The following DCAKD variants were observed in gnomAD, a reference collection of about 807,000 sequenced individuals.
The protein encoded by DCAKD is dephospho-CoA kinase domain containing.
In DCAKD, 15 loss-of-function variants were observed where a neutral mutation model predicts 18.7. The observed-to-expected ratio is 0.80, with a 90% CI of 0.54 to 1.24. DCAKD has a LOEUF of 1.24. Among genes scored for constraint, DCAKD ranks in the 50% most tolerant of loss-of-function variants. The pLI is 0.00. For synonymous variants in DCAKD, 130 were observed against 133.0 expected, an observed-to-expected ratio of 0.98 and a Z score of 0.16; for missense variants, 301 against 322.0, an observed-to-expected ratio of 0.93 and a Z score of 0.50.
At chr17:45,035,753 C>T (rs921564655) in intron 1 of DCAKD, among the ~76,000 whole-genome samples, 1 of 152,148 alleles carries the variant, frequency 6.6e-6, no homozygotes, top group East Asian at 1.9e-4. Flanking sequence ...CAGCCATCCA[C>T]GGAAGATGCA....
At chr17:45,024,862 G>A in intron 4 of DCAKD, 138 bp from the exon 5 acceptor site, 1 of 1,107,260 alleles carries the variant, frequency 9.0e-7, no homozygotes, top group Non-Finnish European at 1.2e-6. Context: ...CCCTGCTCTG[G>A]GCTACTTAGG....
chr17:45,031,197 G>A, intron 3 of DCAKD: 1 of 985,376 alleles, frequency 1.0e-6, no homozygotes, highest in Non-Finnish European at 1.2e-6. Flanking sequence ...GGGTGTCACG[G>A]GAAACTTGCA....
In DCAKD at chr17:45,024,489, C is replaced by T. The variant is rs146466512; in HGVS notation, c.640G>A (p.Ala214Thr). ...PLRFGVLTGL[A>T]AIASLLYLLT... ...AGGTAGAGGAGGCTGGCAATGGCAGCGAGCCCTGTGAGGACCCCAAACCTC... is the reference window on the plus strand; with the variant it reads ...AGGTAGAGGAGGCTGGCAATGGCAGTGAGCCCTGTGAGGACCCCAAACCTC... The change falls in exon 5 of 5, where the codon GCT (alanine) becomes ACT (threonine). Residue 214 changes from alanine (A) to threonine (T), a missense_variant. Ala to Thr is a moderately conservative substitution (Grantham distance 58). Transcript: ENST00000651974. The T allele has an allele frequency of 5.2e-4, 834 of 1,613,220 alleles. No individual in the cohort carries two copies. Among genetic ancestry groups the T allele is most frequent in the Non-Finnish European group, 6.4e-4 (759 of 1,179,376 alleles).
At chr17:45,058,390 G>A (rs2053810198) in intron 1 of DCAKD, among the ~76,000 whole-genome samples, 1 of 151,958 alleles carries the variant, frequency 6.6e-6, no homozygotes, top group African/African-American at 2.4e-5. Flanking sequence ...CAAAGTGCTG[G>A]GATTACAGGC....
intron 4 of DCAKD, among the ~76,000 whole-genome samples, chr17:45,029,175 C>T (rs943234487): frequency 2.0e-5 from 3 of 152,208 alleles, no homozygotes; most frequent in Admixed American, 6.5e-5. Flanking sequence ...TAAGGCAGCA[C>T]GGCCCAGTGC....
At chr17:45,032,005 C>T (rs758594398) in intron 3 of DCAKD, 155 of 985,042 alleles carry the variant, frequency 1.6e-4, no homozygotes, top group Non-Finnish European at 1.7e-4. Flanking sequence ...GTTGGGGAGG[C>T]GGGAGGCTGG....
At chr17:45,034,492 T>C in intron 2 of DCAKD, 102 bp from the exon 3 acceptor site, 1 of 1,370,360 alleles carries the variant, frequency 7.3e-7, no homozygotes. Context: ...CGGGTGCTTC[T>C]TTCAGGTGGA....
intron 1 of DCAKD, among the ~76,000 whole-genome samples, chr17:45,035,395 C>T (rs1363069361): frequency 1.4e-5 from 2 of 147,694 alleles, no homozygotes; most frequent in African/African-American, 5.0e-5. Context: ...GCAGGAGGAT[C>T]GCTTGAACCT....
chr17:45,055,529 C>T (rs956539087), upstream of DCAKD, among the ~76,000 whole-genome samples: 2 of 152,120 alleles, frequency 1.3e-5, no homozygotes, highest in African/African-American at 4.8e-5. Context: ...CAGGCACACA[C>T]TCCTCACTTT....
chr17:45,056,566 C>T (rs370059171), upstream of DCAKD, among the ~76,000 whole-genome samples: 23 of 152,164 alleles, frequency 1.5e-4, no homozygotes, highest in African/African-American at 4.8e-4. Flanking sequence ...CTCCACTTCC[C>T]GGGTTCAAGC....
At chr17:45,056,973 T>C (rs1208315211) in intron 1 of DCAKD, among the ~76,000 whole-genome samples, 2 of 151,206 alleles carry the variant, frequency 1.3e-5, no homozygotes, top group Non-Finnish European at 2.9e-5. Flanking sequence ...TTCACCATGT[T>C]AGCCAGGATG....
At chr17:45,056,569 G>A (rs1006324004), upstream of DCAKD, among the ~76,000 whole-genome samples, 2 of 152,040 alleles carry the variant, frequency 1.3e-5, no homozygotes, top group African/African-American at 4.8e-5. Context: ...CACTTCCCGG[G>A]TTCAAGCAAT....
At chr17:45,032,189 G>T in intron 3 of DCAKD, 1 of 914,536 alleles carries the variant, frequency 1.1e-6, no homozygotes, top group Non-Finnish European at 1.3e-6. Flanking sequence ...GGTGGGGGAC[G>T]GGAAGGACAC....
At chr17:45,031,563 G>C in intron 3 of DCAKD, 4 of 985,302 alleles carry the variant, frequency 4.1e-6, no homozygotes, top group Non-Finnish European at 4.8e-6. Flanking sequence ...TGTTGCAGGG[G>C]GAGGCCAACA....
At chr17:45,033,270 A>G (rs1306936449) in intron 3 of DCAKD, among the ~76,000 whole-genome samples, 1 of 152,220 alleles carries the variant, frequency 6.6e-6, no homozygotes, top group Non-Finnish European at 1.5e-5. Context: ...AACTGGCCCC[A>G]GGCCTCTGAT....
chr17:45,045,201 A>T (rs2053538791), intron 1 of DCAKD, among the ~76,000 whole-genome samples: 1 of 152,202 alleles, frequency 6.6e-6, no homozygotes, highest in East Asian at 1.9e-4. Flanking sequence ...CAGCCTGGTC[A>T]GGACACGGAC....
At position 45,030,981 on chromosome 17, in the gene DCAKD, C is replaced by T. The variant is rs187803162; in HGVS notation, c.317-802G>A. On this transcript the variant is annotated intron_variant, in intron 3 of 4. Coordinates refer to ENST00000651974, the MANE Select transcript of DCAKD (RefSeq NM_001288655.2). ...CATCCGTAGGCTGCTGTGGGCTACACGCTCCTCGTTCTTTTTAGGTCAGTG... is the reference window on the plus strand; with the variant it reads ...CATCCGTAGGCTGCTGTGGGCTACATGCTCCTCGTTCTTTTTAGGTCAGTG... 237 of 985,416 alleles carry T rather than the reference C, an allele frequency of 2.4e-4. No homozygotes were observed. The Admixed American group carries it at 7.9e-3, about 33-fold the overall frequency. The allele number at this position is 985,416 out of a possible 1,614,324, so 61.0% of individuals were successfully genotyped here. A position where few individuals can be genotyped will look rare whatever the true frequency, so the allele number is the denominator to read the frequency against.
chr17:45,045,185 G>A (rs549499456), intron 1 of DCAKD, among the ~76,000 whole-genome samples: 107 of 152,254 alleles, frequency 7.0e-4, no homozygotes, highest in Non-Finnish European at 1.2e-3. Flanking sequence ...GCAGCTAGCT[G>A]GATCACAGCC....
intron 1 of DCAKD, among the ~76,000 whole-genome samples, 158 bp downstream of exon 1, chr17:45,051,203 C>CA (rs1228020256): frequency 1.3e-5 from 2 of 152,214 alleles, no homozygotes; most frequent in African/African-American, 2.4e-5. Flanking sequence ...TTCTAAAGGG[C>CA]AGTGGCTTTG....
Sources: allele counts gnomAD v4.1 joint callset (sites outside exome capture counted in the v4.1 genomes callset), GRCh38; gene constraint gnomAD v4.1.1; transcripts MANE v1.5; gene names NCBI Gene and HGNC (gene_info 2026-07-23, HGNC 2026-07-21).